Variants in MTMR9 observed in about 807,000 individuals in gnomAD.
MTMR9 encodes the protein myotubularin related protein 9.
MTMR9 carries 39 observed loss-of-function variants against 69.5 expected under a neutral mutation model. The observed-to-expected ratio is 0.56, with a 90% CI of 0.43 to 0.73. The LOEUF (loss-of-function observed/expected upper bound fraction) is 0.73. Among genes scored for constraint, MTMR9 ranks in the 30% least tolerant of loss-of-function variants. The pLI, the probability that MTMR9 is intolerant of heterozygous loss-of-function variation, is 0.00. For synonymous variants in MTMR9, 354 were observed against 240.8 expected (o/e 1.47, Z -4.35); for missense variants, 900 against 671.2 (o/e 1.34, Z -3.77).
chr8:11,287,857 TATATA>T (rs1260503097), intron 1 of MTMR9, among the ~76,000 whole-genome samples: 2 of 115,118 alleles, frequency 1.7e-5, no homozygotes, highest in East Asian at 4.1e-4. Context: ...TTATATATGT[TATATA>T]TTATATTATA....
intron 7 of MTMR9, chr8:11,316,057 T>G (rs1199495896): frequency 6.6e-6 from 1 of 152,234 alleles, no homozygotes; most frequent in Non-Finnish European, 1.5e-5. Context: ...AAATTTACTT[T>G]GGTCAGTAGA....
chr8:11,301,273 T>A lies in MTMR9; in HGVS notation c.417+1125T>A, dbSNP rs1368420402. Among the ~76,000 whole-genome samples the A allele has an allele frequency of 3.9e-5, 6 of 152,296 alleles. No individual in the cohort carries two copies. The East Asian group carries it at 1.2e-3, about 29-fold the overall frequency. ...CTTGATTACTGTAAAGCCACAGTAA[T>A]CAAGAGAGTATGGTATTGCTGTAAG... On this transcript the variant is annotated intron_variant, in intron 3 of 9. Coordinates refer to ENST00000221086, the MANE Select transcript of MTMR9 (RefSeq NM_015458.4).
At chr8:11,288,028 TATA>T (rs1186927627) in intron 1 of MTMR9, among the ~76,000 whole-genome samples, 1 of 125,530 alleles carries the variant, frequency 8.0e-6, no homozygotes, top group Non-Finnish European at 1.6e-5. Context: ...ACGTATGATA[TATA>T]ATATATATTA....
At chr8:11,295,344 T>A in intron 2 of MTMR9, 42 bp downstream of exon 2, 1 of 1,092,654 alleles carries the variant, frequency 9.2e-7, no homozygotes, top group Non-Finnish European at 1.4e-6. Context: ...CATAATTTTA[T>A]ATTATGACTC....
rs971744155 is a variant in MTMR9 at position 11,327,479 on chromosome 8, A to C, written c.*4691A>C. On this transcript the variant is annotated 3_prime_UTR_variant, in exon 10 of 10. Coordinates refer to ENST00000221086, the MANE Select transcript of MTMR9 (RefSeq NM_015458.4). ...TGGCCAAGACATTTGCTTCACTTTT[A>C]AAATGCACGTTATCTTTGGAGAGGT... The C allele has an allele frequency of 6.6e-6, 1 of 152,408 alleles. No homozygotes were observed. The highest frequency in any genetic ancestry group is 1.5e-5 in the Non-Finnish European group (1 of 68,036). 9.4% of individuals were successfully genotyped at this position (152,408 alleles called of 1,614,324 possible).
rs754200937 is a variant in MTMR9, at chr8:11,295,176, A to T, written c.183-18A>T. ...AGTAATATATGTGTTCCTAAACATG[A>T]TTTGCAATTTCTTACAGATTTGTAG... On this transcript the variant is annotated intron_variant, in intron 1 of 9. Coordinates refer to ENST00000221086, the MANE Select transcript of MTMR9 (RefSeq NM_015458.4). The T allele has an allele frequency of 1.5e-6, 2 of 1,373,756 alleles. No homozygotes were observed. The highest frequency in any genetic ancestry group is 2.9e-5 in the African/African-American group (2 of 69,542). 85.1% of individuals were successfully genotyped at this position (1,373,756 alleles called of 1,614,324 possible). A position where few individuals can be genotyped will look rare whatever the true frequency, so the allele number is the denominator to read the frequency against.
At position 11,295,385 on chromosome 8, in the gene MTMR9, A is replaced by G. The variant is rs1375560505; in HGVS notation, c.291+83A>G. 3.5e-6 allele frequency: 3 copies of G among 848,562 alleles called. No individual in the cohort carries two copies. The African/African-American group carries it at 5.1e-5, about 14-fold the overall frequency. The allele number at this position is 848,562 out of a possible 1,614,324, so 52.6% of individuals were successfully genotyped here. A position where few individuals can be genotyped will look rare whatever the true frequency, so the allele number is the denominator to read the frequency against. On this transcript the variant is annotated intron_variant, in intron 2 of 9. Coordinates refer to ENST00000221086, the MANE Select transcript of MTMR9 (RefSeq NM_015458.4). ...AGCTCTTCCATTTCTTCATTAGATAATTTAGTCATGTTCTCTGACTCAAAT... is the reference window on the plus strand; with the variant it reads ...AGCTCTTCCATTTCTTCATTAGATAGTTTAGTCATGTTCTCTGACTCAAAT...
Position 11,306,274 on chromosome 8 carries a change from A to C in MTMR9, c.676A>C (p.Arg226=). 1 of 1,614,040 alleles carries C rather than the reference A, an allele frequency of 6.2e-7. No homozygotes were observed. Among genetic ancestry groups the C allele is most frequent in the Non-Finnish European group, 8.5e-7 (1 of 1,179,970 alleles). ...EDEKLINATL[R]AGKRGYIIDT... is the part of the protein sequence containing the mutation. ...CGAGAAGCTGATAAATGCTACCCTC[A>C]GGGCTGGAAAGCGTGGCTACATCAT... The change falls in exon 5 of 10, where the codon AGG becomes CGG. Residue 226 remains arginine (R), a synonymous_variant. Coordinates refer to ENST00000221086, the MANE Select transcript of MTMR9 (RefSeq NM_015458.4).
intron 3 of MTMR9, among the ~76,000 whole-genome samples, chr8:11,302,879 A>T (rs1377053524): frequency 3.3e-5 from 5 of 152,120 alleles, no homozygotes; most frequent in Non-Finnish European, 5.9e-5. Flanking sequence ...TGCAACAAAG[A>T]TTATTGGGTT....
chr8:11,318,749 T>C (rs1800533120), intron 8 of MTMR9: 1 of 152,252 alleles, frequency 6.6e-6, no homozygotes, highest in Non-Finnish European at 1.5e-5. Context: ...AGATTAAATA[T>C]GTATTTATGT....
At chr8:11,319,520 T>TC in intron 8 of MTMR9, 167 bp from the exon 9 acceptor site, 1 of 662,506 alleles carries the variant, frequency 1.5e-6, no homozygotes, top group East Asian at 2.8e-5. Context: ...CTAATGCCGA[T>TC]TGAGCTTTTT....
intron 3 of MTMR9, among the ~76,000 whole-genome samples, chr8:11,303,596 C>G (rs1178270312): frequency 6.6e-6 from 1 of 152,056 alleles, no homozygotes; most frequent in African/African-American, 2.4e-5. Flanking sequence ...TGCAGTGGCG[C>G]TGTCACAGCT....
intron 1 of MTMR9, among the ~76,000 whole-genome samples, chr8:11,289,064 C>T (rs1799288304): frequency 6.6e-6 from 1 of 152,132 alleles, no homozygotes; most frequent in South Asian, 2.1e-4. Context: ...CCCAGCTACT[C>T]AGGAGGCTGA....
Position 11,324,569 on chromosome 8 carries a change from GC to G in MTMR9, c.*1782del, listed in dbSNP as rs1456586586. ...TTTTTGTGCTCCCTCAGAATTGCTTGCTATGTCTGTTAATACAGCTGAGCTT... is the reference window on the plus strand; with the variant it reads ...TTTTTGTGCTCCCTCAGAATTGCTTGTATGTCTGTTAATACAGCTGAGCTT... On this transcript the variant is annotated 3_prime_UTR_variant, in exon 10 of 10. Coordinates refer to ENST00000221086, the MANE Select transcript of MTMR9 (RefSeq NM_015458.4). 2.7e-5 allele frequency: 4 copies of G among 149,444 alleles called. No individual in the cohort carries two copies. In the East Asian group the frequency reaches 7.8e-4, roughly 29 times the overall value. The allele number at this position is 149,444 out of a possible 1,614,324, so 9.3% of individuals were successfully genotyped here.
chr8:11,297,882 A>G (rs777121640), intron 2 of MTMR9: 8 of 456,134 alleles, frequency 1.8e-5, no homozygotes, highest in Admixed American at 2.3e-5. Flanking sequence ...CCTGTCCTCT[A>G]TCCTTTTCCT....
chr8:11,294,377 G>T (rs1039149961), intron 1 of MTMR9, among the ~76,000 whole-genome samples: 23 of 151,628 alleles, frequency 1.5e-4, no homozygotes, highest in East Asian at 7.7e-4. Context: ...TTTTTGTGGG[G>T]TTTTTTGTAA....
chr8:11,306,781 A>G (rs1039907496), intron 5 of MTMR9, among the ~76,000 whole-genome samples: 2 of 152,212 alleles, frequency 1.3e-5, no homozygotes, highest in African/African-American at 2.4e-5. Context: ...ATGCTGTACA[A>G]TAGACCTACA....
chr8:11,316,620 CT>C, intron 7 of MTMR9, 52 bp from the exon 8 acceptor site: 1 of 1,239,518 alleles, frequency 8.1e-7, no homozygotes, highest in East Asian at 2.5e-5. Context: ...GTAGAATGCT[CT>C]GTCATGTGAT....
At chr8:11,307,164 C>T (rs1396337835) in intron 5 of MTMR9, among the ~76,000 whole-genome samples, 3 of 152,126 alleles carry the variant, frequency 2.0e-5, no homozygotes, top group African/African-American at 7.2e-5. Flanking sequence ...CTCTGCCTCC[C>T]AGGTTCAAGT....
Sources: allele counts gnomAD v4.1 joint callset (sites outside exome capture counted in the v4.1 genomes callset), GRCh38; gene constraint gnomAD v4.1.1; transcripts MANE v1.5; gene names NCBI Gene and HGNC (gene_info 2026-07-23, HGNC 2026-07-21).